KIAA1614: variants seen among roughly 807,000 people sequenced by gnomAD.
KIAA1614 encodes KIAA1614, also known as uncharacterized protein KIAA1614.
In KIAA1614, 76 loss-of-function variants were observed where a neutral mutation model predicts 88.7. That is an observed-to-expected ratio of 0.86 (90% confidence interval 0.71 to 1.04). The LOEUF (loss-of-function observed/expected upper bound fraction) is 1.04. Among genes scored for constraint, KIAA1614 ranks in the 50% least tolerant of loss-of-function variants. The pLI is 0.00. For missense variants in KIAA1614, 1,553 were observed against 1,582.5 expected, an observed-to-expected ratio of 0.98 and a Z score of 0.32; for synonymous variants, 714 against 675.5, an observed-to-expected ratio of 1.06 and a Z score of -0.88.
At chr1:180,943,028 G>GTTTTTTTTTTTTTTTTTT (rs765988727) in intron 7 of KIAA1614, among the ~76,000 whole-genome samples, 5 of 14,936 alleles carry the variant, frequency 3.3e-4, no homozygotes, top group Non-Finnish European at 1.1e-3. Context: ...AGTTTTTTGG[G>GTTTTTTTTTTTTTTTTTT]TTTTTTTTTT....
Position 180,935,885 on chromosome 1 carries a change from G to A in KIAA1614, c.1976G>A (p.Trp659Ter). 4 of 1,613,902 alleles carry A rather than the reference G, an allele frequency of 2.5e-6. No homozygotes were observed. The highest frequency in any genetic ancestry group is 3.4e-6 in the Non-Finnish European group (4 of 1,179,926). The change falls in exon 5 of 9, where the codon TGG becomes TAG. Residue 659 changes from tryptophan to a stop codon, truncating the protein, a stop_gained. Transcript: ENST00000367588. LOFTEE classifies it high-confidence loss of function. The surrounding 1 kb of genome is among the most constrained non-coding windows in gnomAD (Gnocchi z 6.1). ...LRGSRPRGHR[W>*]SKKAEAELPW... Reference sequence around the variant, plus strand: ...GGCTCCAGGCCTCGAGGCCACAGGTGGTCCAAGAAGGCTGAGGCGGAGCTC... The same window carrying A: ...GGCTCCAGGCCTCGAGGCCACAGGTAGTCCAAGAAGGCTGAGGCGGAGCTC...
Position 180,935,650 on chromosome 1 carries a change from C to A in KIAA1614, c.1741C>A (p.Arg581=). ...RVLGGLSSPL[R]LLPAEPRLHM... is the part of the protein sequence containing the mutation. Reference sequence around the variant, plus strand: ...GCTGGGTGGCCTGAGCTCCCCACTCCGGCTCCTTCCTGCAGAGCCCCGGCT... The same window carrying A: ...GCTGGGTGGCCTGAGCTCCCCACTCAGGCTCCTTCCTGCAGAGCCCCGGCT... The change falls in exon 5 of 9, where the codon CGG becomes AGG. Residue 581 remains arginine, a synonymous_variant. Coordinates refer to ENST00000367588, the MANE Select transcript of KIAA1614 (RefSeq NM_020950.2). The surrounding 1 kb of genome is among the most constrained non-coding windows in gnomAD (Gnocchi z 6.1). 6.2e-7 allele frequency: 1 copy of A among 1,612,456 alleles called. No homozygotes were observed. The highest frequency in any genetic ancestry group is 8.5e-7 in the Non-Finnish European group (1 of 1,179,456).
chr1:180,922,042 G>A (rs73049905), intron 3 of KIAA1614, among the ~76,000 whole-genome samples: 6,131 of 152,282 alleles, frequency 0.04, 393 homozygotes, highest in African/African-American at 0.14. Context: ...AATCCACTTC[G>A]GAGGCTCAGG....
Position 180,913,269 on chromosome 1 carries a change from C to T in KIAA1614, c.26C>T (p.Ala9Val). 2 of 1,260,138 alleles carry T rather than the reference C, an allele frequency of 1.6e-6. No individual in the cohort carries two copies. The highest frequency in any genetic ancestry group is 3.5e-5 in the South Asian group (1 of 28,938). 78.1% of individuals were successfully genotyped at this position (1,260,138 alleles called of 1,614,324 possible). The change falls in exon 1 of 9, where the codon GCC becomes GTC. Residue 9 changes from alanine to valine, a missense_variant. Physicochemically the swap from Ala to Val is moderately conservative, Grantham distance 64. Transcript: ENST00000367588. MEGTEAAAAKPAGGSPQGP... is the reference protein window; with the variant it reads MEGTEAAAVKPAGGSPQGP... ...ATGGAGGGGACAGAGGCGGCGGCGG[C>T]CAAACCCGCGGGCGGCAGCCCCCAG...
chr1:180,934,023 G>A (rs528738163), intron 4 of KIAA1614, among the ~76,000 whole-genome samples: 1 of 152,368 alleles, frequency 6.6e-6, no homozygotes, highest in African/African-American at 2.4e-5. Context: ...GGGAGGTCGA[G>A]GCAGGCAGAT....
chr1:180,920,479 A>C (rs1261794236), intron 3 of KIAA1614, among the ~76,000 whole-genome samples: 1 of 152,222 alleles, frequency 6.6e-6, no homozygotes, highest in Non-Finnish European at 1.5e-5. Flanking sequence ...GTGCTCTGGC[A>C]GGAGGAAAGC....
In KIAA1614 at chr1:180,936,267, A is replaced by G. The variant is rs777486456; in HGVS notation, c.2358A>G (p.Ala786=). The change falls in exon 5 of 9, where the codon GCA becomes GCG. Residue 786 remains alanine (A), a synonymous_variant. Transcript: ENST00000367588. ...CTTCCTCCCTGCAACAGAGCCATGC[A>G]GAGCCTTCTGCCCCACACCAAGCCT... ...VSPSSLQQSH[A]EPSAPHQAWQ... The G allele has an allele frequency of 2.5e-6, 4 of 1,614,212 alleles. No homozygotes were observed. The highest frequency in any genetic ancestry group is 1.1e-5 in the South Asian group (1 of 91,088).
In KIAA1614 at chr1:180,917,154, G is replaced by A. The variant is rs1353782606; in HGVS notation, c.997+54G>A. 5.0e-6 allele frequency: 7 copies of A among 1,412,616 alleles called. No homozygotes were observed. In the South Asian group the frequency reaches 6.3e-5, roughly 13 times the overall value. 87.5% of individuals were successfully genotyped at this position (1,412,616 alleles called of 1,614,324 possible). On this transcript the variant is annotated intron_variant, in intron 2 of 8. Transcript: ENST00000367588. ...TGGGGGGAGCAGGAGGGAATCCAGA[G>A]GGAGGAAAAGGGGACGAGGGGGTCC... is the stretch of plus-strand genomic sequence containing the variant.
chr1:180,923,638 G>A (rs970896302), intron 3 of KIAA1614, among the ~76,000 whole-genome samples: 7 of 152,134 alleles, frequency 4.6e-5, no homozygotes, highest in Non-Finnish European at 1.0e-4. Flanking sequence ...TCTTGTCTCC[G>A]GGCCCCAGTG....
intron 4 of KIAA1614, among the ~76,000 whole-genome samples, chr1:180,934,065 A>G (rs201619112): frequency 0.055 from 6,550 of 118,828 alleles, no homozygotes; most frequent in South Asian, 0.056. Context: ...GACCAGCCTG[A>G]CCAACATGGA....
At chr1:180,936,814 G>A (rs867488042) in intron 5 of KIAA1614, 144 bp downstream of exon 5, 17 of 594,462 alleles carry the variant, frequency 2.9e-5, no homozygotes, top group Middle Eastern at 9.0e-4. Context: ...ATACCACCTC[G>A]GCAGCTCCTT....
At position 180,928,463 on chromosome 1, in the gene KIAA1614, C is replaced by T. The variant is rs1193282337; in HGVS notation, c.1095C>T (p.Ser365=). Residue 365 remains serine (S), a synonymous_variant, in exon 4 of 9, where the codon AGC becomes AGT. Coordinates refer to ENST00000367588, the MANE Select transcript of KIAA1614 (RefSeq NM_020950.2). ...GTCCCAACCCGGAGCCTGTGCTGAG[C>T]CCCAGGCATGAGGAAGCCACGCATC... ...TVGPNPEPVL[S]PRHEEATHLL... The T allele has an allele frequency of 6.2e-7, 1 of 1,613,306 alleles. No homozygotes were observed. Among genetic ancestry groups the T allele is most frequent in the Non-Finnish European group, 8.5e-7 (1 of 1,179,856 alleles).
chr1:180,944,850 A>G (rs1395785566), intron 8 of KIAA1614: 1 of 260,496 alleles, frequency 3.8e-6, no homozygotes, highest in Non-Finnish European at 7.3e-6. Flanking sequence ...AGATCTGAAT[A>G]AACACATAGA....
chr1:180,939,595 A>G (rs1451502737), intron 6 of KIAA1614, among the ~76,000 whole-genome samples: 2 of 152,068 alleles, frequency 1.3e-5, no homozygotes, highest in African/African-American at 2.4e-5. Context: ...TCTTTGCTAT[A>G]CAATTCTAGT....
At chr1:180,940,337 C>A (rs552916651) in intron 6 of KIAA1614, among the ~76,000 whole-genome samples, 1 of 152,244 alleles carries the variant, frequency 6.6e-6, no homozygotes, top group South Asian at 2.1e-4. Flanking sequence ...CCTGTCTGTA[C>A]TAAAAATACA....
intron 3 of KIAA1614, among the ~76,000 whole-genome samples, chr1:180,918,763 C>T (rs1485048250): frequency 6.6e-6 from 1 of 152,218 alleles, no homozygotes; most frequent in East Asian, 1.9e-4. Context: ...ACAAATCCCA[C>T]TCAGTTAGAA....
intron 3 of KIAA1614, among the ~76,000 whole-genome samples, chr1:180,918,343 A>G (rs1227155461): frequency 6.6e-6 from 1 of 152,198 alleles, no homozygotes; most frequent in East Asian, 1.9e-4. Context: ...TTCCCAGTCA[A>G]GAGGTTGTGC....
chr1:180,942,502 C>A (rs1450395337), intron 7 of KIAA1614, among the ~76,000 whole-genome samples: 2 of 152,216 alleles, frequency 1.3e-5, no homozygotes, highest in Non-Finnish European at 2.9e-5. Context: ...AATGAAGGTC[C>A]CATTGACTGT....
chr1:180,930,564 C>T (rs1190279209), intron 4 of KIAA1614, among the ~76,000 whole-genome samples: 2 of 152,218 alleles, frequency 1.3e-5, no homozygotes, highest in East Asian at 3.8e-4. Context: ...CGGATAGCCT[C>T]AAAATAGTCA....
Sources: allele counts gnomAD v4.1 joint callset (sites outside exome capture counted in the v4.1 genomes callset), GRCh38; gene constraint gnomAD v4.1.1; non-coding constraint Gnocchi (gnomAD v3.1); transcripts MANE v1.5; gene names NCBI Gene and HGNC (gene_info 2026-07-23, HGNC 2026-07-21).